CAMSAP2: variants seen among roughly 807,000 people sequenced by gnomAD.
CAMSAP2 encodes the protein calmodulin-regulated spectrin-associated protein 2.
Under a neutral mutation model 146.1 loss-of-function variants are expected in CAMSAP2, and 26 were observed. The ratio of observed to expected loss-of-function variants is 0.18; its 90% CI spans 0.13 to 0.25. The LOEUF (loss-of-function observed/expected upper bound fraction) is 0.25, where lower values mean the gene tolerates loss of function less well. CAMSAP2 is among the 10% of genes least tolerant of loss of function. The pLI, the probability that CAMSAP2 is intolerant of heterozygous loss-of-function variation, is 1.00. For missense variants in CAMSAP2, 1,381 were observed against 1,759.3 expected (o/e 0.78, Z 3.85); for synonymous variants, 499 against 596.6 (o/e 0.84, Z 2.38).
intron 4 of CAMSAP2, among the ~76,000 whole-genome samples, chr1:200,816,419 C>T (rs1409854797): frequency 6.6e-6 from 1 of 150,672 alleles, no homozygotes; most frequent in Non-Finnish European, 1.5e-5. Flanking sequence ...ATAGTAAAAC[C>T]CCGTCTCTAC....
intron 6 of CAMSAP2, among the ~76,000 whole-genome samples, chr1:200,834,775 G>C (rs1667144494): frequency 6.6e-6 from 1 of 152,144 alleles, no homozygotes; most frequent in Non-Finnish European, 1.5e-5. Context: ...AGCCAGGCGT[G>C]ATGGCACACA....
In CAMSAP2 at chr1:200,849,553, A is replaced by G. The variant is rs1667559329; in HGVS notation, c.2784A>G (p.Lys928=). ...VISPPQPSPQ[K]QIRDFKPSKQ... ...CACCTCCACAACCCTCTCCACAGAA[A>G]CAGATTCGAGATTTTAAGCCTTCTA... Residue 928 remains lysine, a synonymous_variant, in exon 11 of 17, where the codon AAA becomes AAG. Coordinates refer to ENST00000358823, the MANE Select transcript of CAMSAP2 (RefSeq NM_203459.4). This position sits in a 1 kb window ranked among gnomAD's most constrained non-coding sequence, Gnocchi z 6.3. The G allele has an allele frequency of 6.2e-7, 1 of 1,614,080 alleles. No individual in the cohort carries two copies. Among genetic ancestry groups the G allele is most frequent in the East Asian group, 2.2e-5 (1 of 44,896 alleles).
At chr1:200,835,966 A>T (rs1667174617) in intron 6 of CAMSAP2, among the ~76,000 whole-genome samples, 1 of 152,232 alleles carries the variant, frequency 6.6e-6, no homozygotes, top group African/African-American at 2.4e-5. Flanking sequence ...TACGACCCAT[A>T]TAAAGATATT....
intron 1 of CAMSAP2, among the ~76,000 whole-genome samples, chr1:200,755,027 T>C (rs1664611247): frequency 1.3e-5 from 2 of 152,228 alleles, no homozygotes; most frequent in African/African-American, 4.8e-5. Context: ...TCCATCTGGA[T>C]CCTGTGTTCT....
chr1:200,759,354 C>T (rs1664737119), intron 1 of CAMSAP2, among the ~76,000 whole-genome samples: 1 of 149,638 alleles, frequency 6.7e-6, no homozygotes, highest in Admixed American at 6.7e-5. Context: ...ATCTCACTCT[C>T]TGCAACCTCT....
chr1:200,786,850 C>T (rs191393682), intron 2 of CAMSAP2, among the ~76,000 whole-genome samples: 431 of 152,172 alleles, frequency 2.8e-3, no homozygotes, highest in African/African-American at 9.5e-3. Context: ...GACTTTAGAT[C>T]GAAGCCAGTG....
intron 3 of CAMSAP2, among the ~76,000 whole-genome samples, chr1:200,809,447 G>C (rs796558046): frequency 5.3e-5 from 8 of 152,194 alleles, no homozygotes; most frequent in African/African-American, 1.9e-4. Flanking sequence ...TCTTGTAACA[G>C]AATACCTGAG....
intron 1 of CAMSAP2, among the ~76,000 whole-genome samples, chr1:200,743,963 T>C (rs1408191884): frequency 6.6e-6 from 1 of 151,442 alleles, no homozygotes; most frequent in East Asian, 1.9e-4. Context: ...AATAAATAAA[T>C]AAATAAATAA....
chr1:200,814,839 T>A (rs763357868), intron 3 of CAMSAP2, among the ~76,000 whole-genome samples: 1 of 152,142 alleles, frequency 6.6e-6, no homozygotes, highest in Non-Finnish European at 1.5e-5. Flanking sequence ...TAATATTTTC[T>A]ACAGTGCCAT....
intron 2 of CAMSAP2, among the ~76,000 whole-genome samples, chr1:200,783,604 T>TC (rs1308494755): frequency 6.6e-6 from 1 of 152,116 alleles, no homozygotes; most frequent in Non-Finnish European, 1.5e-5. Flanking sequence ...CTCTTCAGCC[T>TC]CCTAAGTAGC....
intron 2 of CAMSAP2, among the ~76,000 whole-genome samples, chr1:200,790,295 C>T (rs773370325): frequency 6.6e-6 from 1 of 152,006 alleles, no homozygotes; most frequent in Non-Finnish European, 1.5e-5. Flanking sequence ...ATGGAGTGCT[C>T]TAGTATATTT....
chr1:200,846,956 AAAT>A (rs1309310054), intron 8 of CAMSAP2, among the ~76,000 whole-genome samples: 1 of 152,196 alleles, frequency 6.6e-6, no homozygotes, highest in East Asian at 1.9e-4. Context: ...ATAAAAATGA[AAAT>A]AATTCATATC....
chr1:200,846,011 T>C (rs555101085), intron 8 of CAMSAP2, among the ~76,000 whole-genome samples: 1 of 152,334 alleles, frequency 6.6e-6, no homozygotes, highest in African/African-American at 2.4e-5. Context: ...ACCTACAATT[T>C]ATATTGACTT....
intron 2 of CAMSAP2, among the ~76,000 whole-genome samples, chr1:200,794,028 T>G (rs1161606101): frequency 6.6e-6 from 1 of 152,192 alleles, no homozygotes; most frequent in African/African-American, 2.4e-5. Context: ...TAAACATAGT[T>G]TTCTGGGACA....
At chr1:200,783,455 G>A (rs1439221992) in intron 2 of CAMSAP2, among the ~76,000 whole-genome samples, 2 of 152,036 alleles carry the variant, frequency 1.3e-5, no homozygotes, top group Admixed American at 6.6e-5. Context: ...ATTGCAGATA[G>A]TTTCTCCTAA....
intron 2 of CAMSAP2, among the ~76,000 whole-genome samples, chr1:200,773,558 C>T (rs1015386787): frequency 1.3e-5 from 2 of 152,122 alleles, no homozygotes; most frequent in South Asian, 2.1e-4. Flanking sequence ...TGTCCGGCCT[C>T]ATCTTTTAAA....
At chr1:200,850,336 A>G in intron 11 of CAMSAP2, 102 bp downstream of exon 11, 2 of 1,011,350 alleles carry the variant, frequency 2.0e-6, no homozygotes, top group Non-Finnish European at 1.4e-6. Context: ...TTTCAGTAGC[A>G]GTCCCTTTTG....
chr1:200,791,888 C>A (rs1399313663), intron 2 of CAMSAP2, among the ~76,000 whole-genome samples: 1 of 152,036 alleles, frequency 6.6e-6, no homozygotes, highest in Non-Finnish European at 1.5e-5. Context: ...ATCGCTTGAA[C>A]CCAGGAGGCA....
chr1:200,815,534 T>C (rs778494026), intron 3 of CAMSAP2, 27 bp from the exon 4 acceptor site: 1 of 1,215,232 alleles, frequency 8.2e-7, no homozygotes, highest in Non-Finnish European at 1.1e-6. Flanking sequence ...AGAATAAAAA[T>C]TCAAACTGAT....
Sources: gnomAD v4.1 joint callset for allele counts (sites outside exome capture counted in the v4.1 genomes callset) on GRCh38, gnomAD v4.1.1 for gene constraint, Gnocchi (gnomAD v3.1) non-coding constraint, MANE v1.5 for transcripts, NCBI Gene and HGNC (gene_info 2026-07-23, HGNC 2026-07-21) for gene names.